ZNF566: variants seen among roughly 807,000 people sequenced by gnomAD.
The protein encoded by ZNF566 is zinc finger protein 566.
In ZNF566, 27 loss-of-function variants were observed where a neutral mutation model predicts 32.8. The observed-to-expected ratio is 0.82, with a 90% CI of 0.61 to 1.14. The LOEUF (loss-of-function observed/expected upper bound fraction) is 1.14. ZNF566 is among the 50% of genes most tolerant of loss of function. The probability of loss-of-function intolerance (pLI) is 0.00; values close to 1 mark genes in which losing one functional copy is unlikely to be tolerated. For missense variants in ZNF566, 402 were observed against 490.4 expected (o/e 0.82, Z 1.70); for synonymous variants, 154 against 159.5 (o/e 0.97, Z 0.26).
intron 2 of ZNF566, 44 bp downstream of exon 2, chr19:36,476,505 A>G (rs1202060460): frequency 1.3e-6 from 2 of 1,539,732 alleles, no homozygotes; most frequent in Non-Finnish European, 1.8e-6. Flanking sequence ...CAGTTACTAG[A>G]AGTAAAAATC....
chr19:36,480,819 C>T (rs1188375980), intron 1 of ZNF566, among the ~76,000 whole-genome samples: 1 of 151,800 alleles, frequency 6.6e-6, no homozygotes, highest in Non-Finnish European at 1.5e-5. Flanking sequence ...GCAGGCGGAA[C>T]ACCTGAGGTC....
At chr19:36,470,702 G>A (rs2033739722) in intron 4 of ZNF566, among the ~76,000 whole-genome samples, 1 of 152,018 alleles carries the variant, frequency 6.6e-6, no homozygotes, top group Non-Finnish European at 1.5e-5. Context: ...CCTGAGGTCA[G>A]GATTTCGAGA....
intron 1 of ZNF566, among the ~76,000 whole-genome samples, chr19:36,478,784 C>T (rs915767930): frequency 5.3e-5 from 8 of 152,128 alleles, no homozygotes; most frequent in Admixed American, 3.9e-4. Flanking sequence ...CTACTCATTT[C>T]CCAGGGTTAT....
At chr19:36,465,734 A>T (rs1234841552) in intron 4 of ZNF566, among the ~76,000 whole-genome samples, 1 of 152,046 alleles carries the variant, frequency 6.6e-6, no homozygotes, top group Non-Finnish European at 1.5e-5. Context: ...CGGCCTCCCA[A>T]AGTGCTGGGA....
At chr19:36,457,899 TAAAC>T (rs145462733) in intron 4 of ZNF566, among the ~76,000 whole-genome samples, 41,070 of 151,636 alleles carry the variant, frequency 0.27, 5,639 homozygotes, top group Non-Finnish European at 0.31. Flanking sequence ...CTCAAAAAAA[TAAAC>T]AAACAAACAA....
chr19:36,484,019 C>T (rs1391049257), intron 1 of ZNF566, among the ~76,000 whole-genome samples: 2 of 152,096 alleles, frequency 1.3e-5, no homozygotes, highest in Non-Finnish European at 2.9e-5. Context: ...ATTACAGGTG[C>T]ACTCCACCAC....
intron 4 of ZNF566, among the ~76,000 whole-genome samples, chr19:36,471,218 A>G (rs955600561): frequency 4.0e-5 from 6 of 151,780 alleles, no homozygotes; most frequent in Non-Finnish European, 8.8e-5. Flanking sequence ...TGTCTCAAAA[A>G]AAAAAAAAAA....
Position 36,447,398 on chromosome 19 carries a change from G to A in ZNF566, c.*1579C>T, listed in dbSNP as rs529205519. On this transcript the variant is annotated 3_prime_UTR_variant, in exon 5 of 5. Transcript: ENST00000452939. ...TGGATTTGGTGCTTCATTAGTAATA[G>A]TTAACTGATCACATGCTAATTTTTC... The A allele has an allele frequency of 6.6e-6, 1 of 152,188 alleles. No homozygotes were observed. The highest frequency in any genetic ancestry group is 1.5e-5 in the Non-Finnish European group (1 of 68,044). 9.4% of individuals were successfully genotyped at this position (152,188 alleles called of 1,614,324 possible). A position where few individuals can be genotyped will look rare whatever the true frequency, so the allele number is the denominator to read the frequency against.
intron 4 of ZNF566, among the ~76,000 whole-genome samples, chr19:36,468,111 G>A (rs1465578647): frequency 2.7e-5 from 4 of 150,674 alleles, no homozygotes; most frequent in Non-Finnish European, 5.9e-5. Context: ...CTTGAACCCG[G>A]GAGGCAGAGG....
rs112480750 is a variant in ZNF566, at chr19:36,473,839, G to C, written c.10-381C>G. On this transcript the variant is annotated intron_variant, in intron 2 of 4. Transcript: ENST00000452939. Reference sequence around the variant, plus strand: ...TCCCTCTCTTTTCCCAAATAGCTGAGAGTCAAATTTCAGAATAAGGGATAA... The same window carrying C: ...TCCCTCTCTTTTCCCAAATAGCTGACAGTCAAATTTCAGAATAAGGGATAA... Among the ~76,000 whole-genome samples, 462 of 152,234 alleles carry C rather than the reference G, an allele frequency of 3.0e-3. 2 individuals are homozygous for C. The highest frequency in any genetic ancestry group is 0.01 in the African/African-American group (426 of 41,540).
At chr19:36,454,923 A>G (rs1202957814) in intron 4 of ZNF566, among the ~76,000 whole-genome samples, 1 of 152,208 alleles carries the variant, frequency 6.6e-6, no homozygotes, top group Non-Finnish European at 1.5e-5. Context: ...CAAAAAATCT[A>G]CAAGAAAATT....
intron 4 of ZNF566, among the ~76,000 whole-genome samples, chr19:36,461,684 TAAAATAAAATAAA>T (rs1426841699): frequency 5.3e-5 from 8 of 151,830 alleles, no homozygotes; most frequent in South Asian, 2.1e-4. Context: ...AAAAATAAAA[TAAAATAAAATAAA>T]AAAATAAAAT....
chr19:36,473,171 C>G, intron 3 of ZNF566, 161 bp downstream of exon 3: 1 of 1,087,520 alleles, frequency 9.2e-7, no homozygotes, highest in Non-Finnish European at 1.3e-6. Flanking sequence ...CCCAAAAACT[C>G]AATGCAGCTT....
intron 1 of ZNF566, among the ~76,000 whole-genome samples, chr19:36,477,683 C>A (rs1362461853): frequency 6.6e-6 from 1 of 151,838 alleles, no homozygotes. Context: ...GGACTACAGG[C>A]TCCCGCCACC....
At chr19:36,477,508 A>C (rs1003616769) in intron 1 of ZNF566, among the ~76,000 whole-genome samples, 1 of 150,904 alleles carries the variant, frequency 6.6e-6, no homozygotes, top group Non-Finnish European at 1.5e-5. Flanking sequence ...ACCTGGGTCA[A>C]ACCAGTTTTC....
chr19:36,453,881 T>C (rs1437091910), intron 4 of ZNF566, among the ~76,000 whole-genome samples: 1 of 152,016 alleles, frequency 6.6e-6, no homozygotes, highest in Non-Finnish European at 1.5e-5. Context: ...TGGAGTGCGG[T>C]GGCACAATCT....
At chr19:36,479,824 T>C (rs866104203) in intron 1 of ZNF566, among the ~76,000 whole-genome samples, 2 of 152,130 alleles carry the variant, frequency 1.3e-5, no homozygotes, top group Non-Finnish European at 2.9e-5. Context: ...GTTTCTTTGT[T>C]TGTTTGCGTG....
chr19:36,482,128 C>T (rs1186787424), intron 1 of ZNF566, among the ~76,000 whole-genome samples: 4 of 152,138 alleles, frequency 2.6e-5, no homozygotes, highest in Admixed American at 1.3e-4. Flanking sequence ...TATTTTGAGA[C>T]GGAGTCTCGC....
At chr19:36,477,731 T>G (rs1474187805) in intron 1 of ZNF566, among the ~76,000 whole-genome samples, 1 of 151,850 alleles carries the variant, frequency 6.6e-6, no homozygotes, top group Non-Finnish European at 1.5e-5. Context: ...TAGAGACGGG[T>G]TTCACCATGT....
Sources: allele counts gnomAD v4.1 joint callset (sites outside exome capture counted in the v4.1 genomes callset), GRCh38; gene constraint gnomAD v4.1.1; transcripts MANE v1.5; gene names NCBI Gene and HGNC (gene_info 2026-07-23, HGNC 2026-07-21).